The following CAP2 variants were observed in gnomAD, a reference collection of about 807,000 sequenced individuals.
The protein encoded by CAP2 is adenylyl cyclase-associated protein 2.
CAP2 carries 24 observed loss-of-function variants against 57.7 expected under a neutral mutation model. The ratio of observed to expected loss-of-function variants is 0.42; its 90% CI spans 0.30 to 0.58. The LOEUF is 0.58. Among genes scored for constraint, CAP2 ranks in the 20% least tolerant of loss-of-function variants. CAP2 has a pLI of 0.22. For missense variants in CAP2, 501 were observed against 590.3 expected (o/e 0.85, Z 1.57); for synonymous variants, 194 against 207.2 (o/e 0.94, Z 0.55).
intron 7 of CAP2, chr6:17,531,227 T>C: frequency 5.1e-6 from 4 of 780,462 alleles, no homozygotes; most frequent in Non-Finnish European, 9.2e-6. Flanking sequence ...ATGCAGTGTA[T>C]GGCTCTACAA....
intron 6 of CAP2, among the ~76,000 whole-genome samples, chr6:17,509,072 T>C (rs1762071933): frequency 6.6e-6 from 1 of 152,052 alleles, no homozygotes; most frequent in Non-Finnish European, 1.5e-5. Flanking sequence ...ACTCCTTTAT[T>C]TTACTAATGC....
rs567240002 is a variant in CAP2 at position 17,489,262 on chromosome 6, T to C, written c.301-17907T>C. 3.8e-3 allele frequency among the ~76,000 whole-genome samples: 578 copies of C among 152,120 alleles called. 4 individuals carry two copies. The highest frequency in any genetic ancestry group is 7.8e-3 in the Admixed American group (119 of 15,288). Reference sequence around the variant, plus strand: ...GCCTGGTCAACATGGTGAAACCCCATCTCTACTAAAAATACAAAAATAAGC... The same window carrying C: ...GCCTGGTCAACATGGTGAAACCCCACCTCTACTAAAAATACAAAAATAAGC... On this transcript the variant is annotated intron_variant, in intron 4 of 12. Coordinates refer to ENST00000229922, the MANE Select transcript of CAP2 (RefSeq NM_006366.3).
At chr6:17,544,124 CA>C (rs370684072) in intron 11 of CAP2, among the ~76,000 whole-genome samples, 2 of 107,244 alleles carry the variant, frequency 1.9e-5, no homozygotes, top group African/African-American at 4.2e-5. Flanking sequence ...GACTCTGTCT[CA>C]AAAAAAAAAA....
At chr6:17,395,643 A>G (rs911612360) in intron 1 of CAP2, among the ~76,000 whole-genome samples, 5 of 152,318 alleles carry the variant, frequency 3.3e-5, no homozygotes, top group Non-Finnish European at 4.4e-5. Context: ...GAAAAGCATT[A>G]ACTTATTTTG....
At chr6:17,554,206 A>G (rs760580560) in intron 12 of CAP2, among the ~76,000 whole-genome samples, 18 of 152,142 alleles carry the variant, frequency 1.2e-4, no homozygotes, top group Admixed American at 3.3e-4. Flanking sequence ...CCCCGGGCTC[A>G]ATCGATCTTC....
chr6:17,409,380 A>G (rs1298554580), intron 1 of CAP2, among the ~76,000 whole-genome samples: 1 of 151,474 alleles, frequency 6.6e-6, no homozygotes, highest in Non-Finnish European at 1.5e-5. Flanking sequence ...TCAAAAAAAA[A>G]GGAAGTGTGG....
At chr6:17,437,932 T>C (rs777282674) in intron 3 of CAP2, among the ~76,000 whole-genome samples, 4 of 152,240 alleles carry the variant, frequency 2.6e-5, no homozygotes, top group South Asian at 4.1e-4. Flanking sequence ...TATGCATTTC[T>C]TTAGTCCATA....
chr6:17,496,482 T>G (rs1178166224), intron 4 of CAP2, among the ~76,000 whole-genome samples: 3 of 150,512 alleles, frequency 2.0e-5, no homozygotes, highest in African/African-American at 4.9e-5. Context: ...CTCTGTTTTG[T>G]TTTTTTTTCT....
At chr6:17,518,725 C>T (rs903071160) in intron 7 of CAP2, among the ~76,000 whole-genome samples, 5 of 151,992 alleles carry the variant, frequency 3.3e-5, no homozygotes, top group African/African-American at 1.2e-4. Flanking sequence ...GCAACCTTGA[C>T]CTCTTGGACT....
chr6:17,492,381 A>G (rs1418286355), intron 4 of CAP2, among the ~76,000 whole-genome samples: 1 of 152,204 alleles, frequency 6.6e-6, no homozygotes, highest in Non-Finnish European at 1.5e-5. Flanking sequence ...GAAAAACAAG[A>G]TTGGTGAGGC....
chr6:17,503,360 A>G (rs1761881020), intron 4 of CAP2, among the ~76,000 whole-genome samples: 1 of 151,974 alleles, frequency 6.6e-6, no homozygotes. Context: ...TGTAATACCA[A>G]TACTTTGGGA....
chr6:17,475,644 G>A (rs897935209), intron 4 of CAP2, among the ~76,000 whole-genome samples: 2 of 152,216 alleles, frequency 1.3e-5, no homozygotes, highest in Non-Finnish European at 2.9e-5. Flanking sequence ...GTTCTGGGAA[G>A]AATGTGCTGA....
chr6:17,452,873 T>C (rs1311916622), intron 3 of CAP2, among the ~76,000 whole-genome samples: 1 of 152,132 alleles, frequency 6.6e-6, no homozygotes, highest in African/African-American at 2.4e-5. Flanking sequence ...CATATGTCAG[T>C]TCATGGGGAG....
rs550422660 is a variant in CAP2, at chr6:17,443,250, T to TA, written c.222+16567dup. On this transcript the variant is annotated intron_variant, in intron 3 of 12. Coordinates refer to ENST00000229922, the MANE Select transcript of CAP2 (RefSeq NM_006366.3). ...CTGGGTGACAGAGGAGGCTCTGTCC[T>TA]AAAAAAAGAAGAAAAAAATATGCTT... Among the ~76,000 whole-genome samples, 263 of 152,076 alleles carry TA rather than the reference T, an allele frequency of 1.7e-3. 2 individuals carry two copies. Among genetic ancestry groups the TA allele is most frequent in the African/African-American group, 5.3e-3 (221 of 41,496 alleles).
chr6:17,555,394 A>G (rs1303385554), intron 12 of CAP2, among the ~76,000 whole-genome samples: 2 of 151,302 alleles, frequency 1.3e-5, no homozygotes, highest in African/African-American at 4.9e-5. Flanking sequence ...GGGTTTCTCC[A>G]TGTTGGTCAG....
At chr6:17,516,132 C>A (rs998445965) in intron 7 of CAP2, among the ~76,000 whole-genome samples, 1 of 152,232 alleles carries the variant, frequency 6.6e-6, no homozygotes, top group Non-Finnish European at 1.5e-5. Context: ...CCATTGATCT[C>A]CATCAGCTCC....
Position 17,539,442 on chromosome 6 carries a change from A to G in CAP2, c.810A>G (p.Gly270=). Residue 270 remains glycine (G), a synonymous_variant, in exon 8 of 13, where the codon GGA becomes GGG. Coordinates refer to ENST00000229922, the MANE Select transcript of CAP2 (RefSeq NM_006366.3). ...RSALFAQLNQ[G]EAITKGLRHV... is the part of the protein sequence containing the mutation. ...CTTTATTTGCCCAACTTAACCAGGG[A>G]GAAGCAATTACAAAAGGTGAGAGAG... is the stretch of plus-strand genomic sequence containing the variant. 6.2e-7 allele frequency: 1 copy of G among 1,613,798 alleles called. No individual in the cohort carries two copies. The highest frequency in any genetic ancestry group is 1.1e-5 in the South Asian group (1 of 91,066).
At position 17,552,892 on chromosome 6, in the gene CAP2, C is replaced by T. The variant is rs563283207; in HGVS notation, c.1350+1288C>T. Among the ~76,000 whole-genome samples, 10 of 152,216 alleles carry T rather than the reference C, an allele frequency of 6.6e-5. No individual in the cohort carries two copies. The South Asian group carries it at 1.7e-3, about 25-fold the overall frequency. On this transcript the variant is annotated intron_variant, in intron 12 of 12. Coordinates refer to ENST00000229922, the MANE Select transcript of CAP2 (RefSeq NM_006366.3). Reference sequence around the variant, plus strand: ...TAAGTTCGTCAGCTCTGCTCAGCCACGTGTCATACATTACAGGCCAGAATT... The same window carrying T: ...TAAGTTCGTCAGCTCTGCTCAGCCATGTGTCATACATTACAGGCCAGAATT...
At chr6:17,486,831 T>C (rs896634664) in intron 4 of CAP2, among the ~76,000 whole-genome samples, 1 of 152,180 alleles carries the variant, frequency 6.6e-6, no homozygotes. Flanking sequence ...GGAACCCTCA[T>C]TCCGTGTCCT....
Sources: allele counts gnomAD v4.1 joint callset (sites outside exome capture counted in the v4.1 genomes callset), GRCh38; gene constraint gnomAD v4.1.1; transcripts MANE v1.5; gene names NCBI Gene and HGNC (gene_info 2026-07-23, HGNC 2026-07-21).